The following PTPRU variants were observed in gnomAD, a reference collection of about 807,000 sequenced individuals.
The protein encoded by PTPRU is protein tyrosine phosphatase receptor type U.
Under a neutral mutation model 166.3 loss-of-function variants are expected in PTPRU, and 69 were observed. The observed-to-expected ratio is 0.41, with a 90% CI of 0.34 to 0.51. The LOEUF is 0.51. Among genes scored for constraint, PTPRU ranks in the 20% least tolerant of loss-of-function variants. The probability of loss-of-function intolerance (pLI) is 0.09; values close to 1 mark genes in which losing one functional copy is unlikely to be tolerated. For synonymous variants in PTPRU, 793 were observed against 814.0 expected (o/e 0.97, Z 0.44); for missense variants, 1,657 against 2,013.7 (o/e 0.82, Z 3.39).
At chr1:29,321,761 CTG>C (rs1688171551) in intron 26 of PTPRU, among the ~76,000 whole-genome samples, 1 of 152,244 alleles carries the variant, frequency 6.6e-6, no homozygotes, top group Admixed American at 6.5e-5. Context: ...TGTGGCACTG[CTG>C]TGTCTGCTGC....
Position 29,275,903 on chromosome 1 carries a change from A to AT in PTPRU, c.1453+153dup, listed in dbSNP as rs1253460222. 18 of 904,298 alleles carry AT rather than the reference A, an allele frequency of 2.0e-5. No individual in the cohort carries two copies. The South Asian group carries it at 2.0e-4, about 10-fold the overall frequency. 56.0% of individuals were successfully genotyped at this position (904,298 alleles called of 1,614,324 possible). On this transcript the variant is annotated intron_variant, in intron 8 of 29. Transcript: ENST00000373779. ...TAACACCAAAGTAGTGATAGCTCCT[A>AT]TTTTTTCTCTGGAAGACTTTGGGTT...
rs112586980 is a variant in PTPRU, at chr1:29,312,638, G to C, written c.3159G>C (p.Leu1053=). ...GCGTCCCCTACCATGCCACGGGGCT[G>C]CTGGCTTTCATCCGGCGCGTGAAGG... ...EHGVPYHATG[L]LAFIRRVKAS... The change falls in exon 22 of 30, where the codon CTG becomes CTC. Residue 1053 remains leucine (L), a synonymous_variant. Transcript: ENST00000373779. 850 of 1,611,854 alleles carry C rather than the reference G, an allele frequency of 5.3e-4. 6 individuals carry two copies. In the African/African-American group the frequency reaches 0.01, roughly 19 times the overall value.
Position 29,325,269 on chromosome 1 carries a change from C to T in PTPRU, c.4191C>T (p.Asp1397=). The change falls in exon 29 of 30, where the codon GAC becomes GAT. Residue 1397 remains aspartate (D), a synonymous_variant. Transcript: ENST00000373779. ...TGATCCGCTGCCACAACTTGGTGGA[C>T]GTTTTCTTTGCTGCCAAAACCCTCC... ...LEMIRCHNLV[D]VFFAAKTLRN... is the part of the protein sequence containing the mutation. The T allele has an allele frequency of 6.2e-7, 1 of 1,614,190 alleles. No individual in the cohort carries two copies. Among genetic ancestry groups the T allele is most frequent in the Non-Finnish European group, 8.5e-7 (1 of 1,180,002 alleles).
rs1387690496 is a variant in PTPRU, at chr1:29,275,701, T to G, written c.1398T>G (p.Thr466=). 1 of 1,614,020 alleles carries G rather than the reference T, an allele frequency of 6.2e-7. No individual in the cohort carries two copies. Among genetic ancestry groups the G allele is most frequent in the Admixed American group, 1.7e-5 (1 of 59,998 alleles). Residue 466 remains threonine, a synonymous_variant, in exon 8 of 30, where the codon ACT becomes ACG. Coordinates refer to ENST00000373779, the MANE Select transcript of PTPRU (RefSeq NM_133178.4). Reference sequence around the variant, plus strand: ...ACGTTCACGTGAGGCTTGTCCTCACTAACCCTGAGGGGCGCAAAGAGGGCA... The same window carrying G: ...ACGTTCACGTGAGGCTTGTCCTCACGAACCCTGAGGGGCGCAAAGAGGGCA... ...YRNVHVRLVL[T]NPEGRKEGKE...
intron 15 of PTPRU, among the ~76,000 whole-genome samples, chr1:29,300,111 G>A (rs1017723479): frequency 1.3e-5 from 2 of 152,144 alleles, no homozygotes; most frequent in African/African-American, 4.8e-5. Flanking sequence ...ATATTGGATT[G>A]TAACAATTTT....
intron 1 of PTPRU, among the ~76,000 whole-genome samples, chr1:29,242,055 C>G (rs529150398): frequency 2.6e-5 from 4 of 152,102 alleles, no homozygotes; most frequent in Admixed American, 2.6e-4. Flanking sequence ...CCATGCCTGG[C>G]TAATTTTTGT....
chr1:29,319,217 G>A (rs576839298), intron 25 of PTPRU, among the ~76,000 whole-genome samples: 2 of 152,304 alleles, frequency 1.3e-5, no homozygotes, highest in Non-Finnish European at 2.9e-5. Context: ...TGTAGTACCG[G>A]GAAGATCTTT....
chr1:29,269,712 A>C (rs1325946726), intron 7 of PTPRU, among the ~76,000 whole-genome samples: 2 of 152,148 alleles, frequency 1.3e-5, no homozygotes, highest in African/African-American at 4.8e-5. Flanking sequence ...AAAAACAATA[A>C]TATAGCATCA....
At chr1:29,307,525 A>T (rs1261679118) in intron 18 of PTPRU, among the ~76,000 whole-genome samples, 1 of 152,158 alleles carries the variant, frequency 6.6e-6, no homozygotes, top group Non-Finnish European at 1.5e-5. Flanking sequence ...GACCCTTTGG[A>T]GGGTGCAGGG....
rs1270204425 is a variant in PTPRU at position 29,240,588 on chromosome 1, G to A, written c.73+3871G>A. On this transcript the variant is annotated intron_variant, in intron 1 of 29. Transcript: ENST00000373779. The stretch of plus-strand genomic sequence containing the variant: ...AAAGGCCATGTTGAGAGTGTCATCT[G>A]GGAGCTTTGAGTTGGGGAGGTTGAG... Among the ~76,000 whole-genome samples the A allele has an allele frequency of 3.3e-5, 5 of 152,220 alleles. No homozygotes were observed. The East Asian group carries it at 5.8e-4, about 18-fold the overall frequency.
chr1:29,293,056 T>G (rs1277825763), intron 15 of PTPRU, among the ~76,000 whole-genome samples: 1 of 152,162 alleles, frequency 6.6e-6, no homozygotes, highest in Non-Finnish European at 1.5e-5. Flanking sequence ...CTTGGCTCAC[T>G]GTAACCTCTG....
chr1:29,280,913 T>C lies in PTPRU; in HGVS notation c.1868+772T>C, dbSNP rs1170077656. Among the ~76,000 whole-genome samples the C allele has an allele frequency of 2.6e-5, 4 of 152,256 alleles. No individual in the cohort carries two copies. In the East Asian group the frequency reaches 7.7e-4, roughly 29 times the overall value. On this transcript the variant is annotated intron_variant, in intron 11 of 29. Coordinates refer to ENST00000373779, the MANE Select transcript of PTPRU (RefSeq NM_133178.4). The surrounding 1 kb of genome is among the most constrained non-coding windows in gnomAD (Gnocchi z 4.2). ...TGGCATGGGTATTATTACCTTCATT[T>C]TACATATCGGGAAACTGACTCAGAG...
intron 17 of PTPRU, 88 bp from the exon 18 acceptor site, chr1:29,305,264 C>T (rs1276559173): frequency 2.9e-5 from 39 of 1,323,516 alleles, no homozygotes; most frequent in Non-Finnish European, 4.0e-5. Flanking sequence ...TGCCTGTGCC[C>T]TATCCCCTAG....
chr1:29,284,936 A>T, intron 14 of PTPRU, 67 bp downstream of exon 14: 1 of 1,536,012 alleles, frequency 6.5e-7, no homozygotes, highest in Non-Finnish European at 8.8e-7. Context: ...GGCACAGAGG[A>T]ATAGTGGCTA....
chr1:29,241,823 G>T (rs1487089573), intron 1 of PTPRU, among the ~76,000 whole-genome samples: 1 of 150,854 alleles, frequency 6.6e-6, no homozygotes, highest in African/African-American at 2.4e-5. Flanking sequence ...TTGAACTCCT[G>T]ACATTGTGAT....
At chr1:29,312,852 A>C in intron 22 of PTPRU, 146 bp downstream of exon 22, 1 of 1,085,984 alleles carries the variant, frequency 9.2e-7, no homozygotes, top group Non-Finnish European at 1.2e-6. Flanking sequence ...ACGACCCCCA[A>C]AGGCCCTGTC....
chr1:29,316,816 G>A (rs1296347993), intron 24 of PTPRU, among the ~76,000 whole-genome samples: 1 of 152,202 alleles, frequency 6.6e-6, no homozygotes, highest in African/African-American at 2.4e-5. Context: ...GTCACAGGTT[G>A]GAGAGGTGGA....
chr1:29,280,766 CA>C lies in PTPRU; in HGVS notation c.1868+626del, dbSNP rs1686044050. ...GTGTGTGAGAGGCGTATATGGGAGACATAAGTGTGCATGTGTGTGAGAGTGT... is the reference window on the plus strand; with the variant it reads ...GTGTGTGAGAGGCGTATATGGGAGACTAAGTGTGCATGTGTGTGAGAGTGT... On this transcript the variant is annotated intron_variant, in intron 11 of 29. Transcript: ENST00000373779. This position sits in a 1 kb window ranked among gnomAD's most constrained non-coding sequence, Gnocchi z 4.2. Among the ~76,000 whole-genome samples the C allele has an allele frequency of 6.6e-6, 1 of 151,594 alleles. No homozygotes were observed.
intron 1 of PTPRU, among the ~76,000 whole-genome samples, chr1:29,249,503 G>A (rs12097349): frequency 0.094 from 14,316 of 152,312 alleles, 837 homozygotes; most frequent in African/African-American, 0.17. Flanking sequence ...GAGATGGGGT[G>A]CCCAAGGGCA....
Sources: allele counts gnomAD v4.1 joint callset (sites outside exome capture counted in the v4.1 genomes callset), GRCh38; gene constraint gnomAD v4.1.1; non-coding constraint Gnocchi (gnomAD v3.1); transcripts MANE v1.5; gene names NCBI Gene and HGNC (gene_info 2026-07-23, HGNC 2026-07-21).